SUGCT: variants seen among roughly 807,000 people sequenced by gnomAD.
SUGCT encodes succinyl-CoA:glutarate-CoA transferase.
In SUGCT, 41 loss-of-function variants were observed where a neutral mutation model predicts 55.0. The ratio of observed to expected loss-of-function variants is 0.74; its 90% CI spans 0.58 to 0.97. The LOEUF (loss-of-function observed/expected upper bound fraction) is 0.97. SUGCT is among the 50% of genes least tolerant of loss of function. SUGCT has a pLI of 0.00. For synonymous variants in SUGCT, 187 were observed against 200.4 expected (o/e 0.93, Z 0.56); for missense variants, 568 against 547.8 (o/e 1.04, Z -0.37).
chr7:40,818,771 A>G (rs924661188), intron 13 of SUGCT, among the ~76,000 whole-genome samples: 2 of 151,960 alleles, frequency 1.3e-5, no homozygotes, highest in African/African-American at 4.8e-5. Context: ...ATCTTTTTTT[A>G]AATATACTTT....
chr7:40,854,404 T>C (rs1002864882), intron 13 of SUGCT, among the ~76,000 whole-genome samples: 2 of 103,146 alleles, frequency 1.9e-5, no homozygotes, highest in African/African-American at 7.0e-5. Context: ...TTTTTCTTTC[T>C]TTCTTTCTTT....
At chr7:40,474,368 G>T (rs1170603770) in intron 11 of SUGCT, among the ~76,000 whole-genome samples, 1 of 152,024 alleles carries the variant, frequency 6.6e-6, no homozygotes. Flanking sequence ...GGGTAGCTGG[G>T]GCTCAGTCAT....
intron 12 of SUGCT, among the ~76,000 whole-genome samples, chr7:40,533,989 A>G (rs1794226716): frequency 6.6e-6 from 1 of 152,190 alleles, no homozygotes; most frequent in Non-Finnish European, 1.5e-5. Context: ...TCCAAAAGAC[A>G]TATGTGACAT....
At chr7:40,914,228 T>C in the SUGCT span, among the ~76,000 whole-genome samples, 2 of 151,860 alleles carry the variant, frequency 1.3e-5, no homozygotes, top group African/African-American at 4.8e-5. Context: ...CAATTACATT[T>C]CCTTTGTCAC....
At chr7:40,609,446 C>T (rs112837257) in intron 12 of SUGCT, among the ~76,000 whole-genome samples, 20,536 of 150,964 alleles carry the variant, frequency 0.14, 1,528 homozygotes, top group Middle Eastern at 0.2. Flanking sequence ...GGGCACCTGA[C>T]GTCCCAGCTA....
chr7:40,152,037 A>G (rs530630665), intron 1 of SUGCT, among the ~76,000 whole-genome samples: 1 of 152,184 alleles, frequency 6.6e-6, no homozygotes, highest in Non-Finnish European at 1.5e-5. Context: ...CAGCTGGTGC[A>G]TCAGAACGCA....
intron 11 of SUGCT, among the ~76,000 whole-genome samples, chr7:40,475,047 A>G (rs995388966): frequency 3.9e-5 from 6 of 152,204 alleles, no homozygotes; most frequent in Non-Finnish European, 7.4e-5. Context: ...TTTGGAAGCT[A>G]TGTGCCACGT....
At chr7:40,824,637 C>T (rs1792221541) in intron 13 of SUGCT, among the ~76,000 whole-genome samples, 1 of 152,140 alleles carries the variant, frequency 6.6e-6, no homozygotes, top group Non-Finnish European at 1.5e-5. Flanking sequence ...TATAACAGAA[C>T]ACCAAAGAAT....
intron 9 of SUGCT, among the ~76,000 whole-genome samples, chr7:40,326,836 T>G (rs1796048993): frequency 6.6e-6 from 1 of 152,198 alleles, no homozygotes; most frequent in African/African-American, 2.4e-5. Context: ...GGAACCTACC[T>G]TTATAAAAAA....
At chr7:40,194,862 C>A in intron 5 of SUGCT, 78 bp from the exon 6 acceptor site, 1 of 1,479,186 alleles carries the variant, frequency 6.8e-7, no homozygotes, top group South Asian at 1.4e-5. Flanking sequence ...AAGGGAGAAT[C>A]AATTGTGTAA....
At chr7:40,771,315 G>A (rs908872035) in intron 13 of SUGCT, among the ~76,000 whole-genome samples, 2 of 152,032 alleles carry the variant, frequency 1.3e-5, no homozygotes, top group African/African-American at 4.8e-5. Flanking sequence ...AATCTGTATC[G>A]ATGTAACCAA....
chr7:40,941,306 A>G, the SUGCT span, among the ~76,000 whole-genome samples: 7 of 152,016 alleles, frequency 4.6e-5, no homozygotes, highest in African/African-American at 1.7e-4. Context: ...AGAATTTTAA[A>G]TTACCATCTT....
At position 40,811,961 on chromosome 7, in the gene SUGCT, G is replaced by T. The variant is rs574712324; in HGVS notation, c.1154-48355G>T. Among the ~76,000 whole-genome samples the T allele has an allele frequency of 3.9e-5, 6 of 152,146 alleles. 1 individual carries two copies. The South Asian group carries it at 1.2e-3, about 32-fold the overall frequency. ...TCATTCAATGCCAAGTTTCTTGAGG[G>T]TTTTTGTCATGAAGGGATGTTGGAT... On this transcript the variant is annotated intron_variant, in intron 13 of 13. Transcript: ENST00000335693.
chr7:40,249,315 A>ATATG (rs1790158051), intron 7 of SUGCT, among the ~76,000 whole-genome samples: 1 of 33,516 alleles, frequency 3.0e-5, no homozygotes, highest in South Asian at 1.0e-3. Context: ...CCAAAAAGCT[A>ATATG]TATATATATA....
At chr7:41,008,712 C>T in the SUGCT span, among the ~76,000 whole-genome samples, 1 of 151,940 alleles carries the variant, frequency 6.6e-6, no homozygotes, top group South Asian at 2.1e-4. Flanking sequence ...TGCAAGTCCC[C>T]CCAGTCACTA....
intron 12 of SUGCT, among the ~76,000 whole-genome samples, chr7:40,715,419 G>A (rs969241188): frequency 6.6e-6 from 1 of 152,072 alleles, no homozygotes; most frequent in African/African-American, 2.4e-5. Flanking sequence ...CAGGAACCCA[G>A]TGTCTTCCAC....
At chr7:40,628,762 A>G (rs1046379882) in intron 12 of SUGCT, among the ~76,000 whole-genome samples, 1 of 151,378 alleles carries the variant, frequency 6.6e-6, no homozygotes, top group African/African-American at 2.4e-5. Flanking sequence ...TGTGTTTTAG[A>G]TGGAGTCTCA....
chr7:40,236,750 A>G (rs1001907803), intron 6 of SUGCT, among the ~76,000 whole-genome samples: 3 of 152,172 alleles, frequency 2.0e-5, no homozygotes, highest in Non-Finnish European at 4.4e-5. Flanking sequence ...AAATCAGAGG[A>G]TTTATGCCCT....
In SUGCT at chr7:40,711,123, G is replaced by A. The variant is rs575286400; in HGVS notation, c.1090-38311G>A. On this transcript the variant is annotated intron_variant, in intron 12 of 13. Coordinates refer to ENST00000335693, the MANE Select transcript of SUGCT (RefSeq NM_001193313.2). Reference sequence around the variant, plus strand: ...GGAACAGCAGTAAGTGAAGGCCAACGGGTGTGAGAAACTCAGGAGAAGTGA... The same window carrying A: ...GGAACAGCAGTAAGTGAAGGCCAACAGGTGTGAGAAACTCAGGAGAAGTGA... 2.6e-3 allele frequency among the ~76,000 whole-genome samples: 395 copies of A among 152,308 alleles called. 15 individuals carry two copies. In the South Asian group the frequency reaches 0.077, roughly 30 times the overall value.
Sources: gnomAD v4.1 joint callset for allele counts (sites outside exome capture counted in the v4.1 genomes callset) on GRCh38, gnomAD v4.1.1 for gene constraint, MANE v1.5 for transcripts, NCBI Gene and HGNC (gene_info 2026-07-23, HGNC 2026-07-21) for gene names.